Variants in DUSP3 observed in about 807,000 individuals in gnomAD.
The protein encoded by DUSP3 is dual specificity phosphatase 3, also known as dual specificity protein phosphatase 3.
In DUSP3, 7 loss-of-function variants were observed where a neutral mutation model predicts 15.5. That is an observed-to-expected ratio of 0.45 (90% confidence interval 0.26 to 0.85). The LOEUF (loss-of-function observed/expected upper bound fraction) is 0.85, where lower values mean the gene tolerates loss of function less well. Ranked by LOEUF, DUSP3 falls within the 40% of genes least tolerant of loss-of-function variation. The pLI is 0.18. For synonymous variants in DUSP3, 86 were observed against 104.2 expected (o/e 0.83, Z 1.07); for missense variants, 209 against 251.7 (o/e 0.83, Z 1.15).
chr17:43,769,938 T>A, intron 2 of DUSP3, 124 bp from the exon 3 acceptor site: 1 of 1,067,662 alleles, frequency 9.4e-7, no homozygotes, highest in Non-Finnish European at 1.4e-6. Context: ...CCTGTCAGAA[T>A]GGCTAAAATG....
intron 1 of DUSP3, chr17:43,778,303 T>C (rs1194550654): frequency 1.3e-5 from 2 of 152,976 alleles, no homozygotes; most frequent in Non-Finnish European, 2.9e-5. Context: ...TTGGGGTGTT[T>C]AGGTTCCCTG....
chr17:43,771,813 A>C lies in DUSP3; in HGVS notation c.353-1999T>G, dbSNP rs950290858. The stretch of plus-strand genomic sequence containing the variant: ...CCCCTGAAGTCAGGAGTTCGAGACC[A>C]TCCTGGCCAACATGGCGAAACCCCG... On this transcript the variant is annotated intron_variant, in intron 2 of 2. Coordinates refer to ENST00000226004, the MANE Select transcript of DUSP3 (RefSeq NM_004090.4). Among the ~76,000 whole-genome samples the C allele has an allele frequency of 3.3e-5, 5 of 152,200 alleles. 1 individual carries two copies. The South Asian group carries it at 1.0e-3, about 31-fold the overall frequency.
At chr17:43,778,644 G>A (rs1974422428) in intron 1 of DUSP3, among the ~76,000 whole-genome samples, 156 bp downstream of exon 1, 1 of 152,052 alleles carries the variant, frequency 6.6e-6, no homozygotes, top group Non-Finnish European at 1.5e-5. Context: ...GGTAGGCGTC[G>A]ACTCCAGGCC....
intron 2 of DUSP3, among the ~76,000 whole-genome samples, chr17:43,772,496 T>A (rs1974332103): frequency 6.6e-6 from 1 of 152,124 alleles, no homozygotes; most frequent in African/African-American, 2.4e-5. Flanking sequence ...GAAGCTGTTT[T>A]CCCAGCTAGA....
In DUSP3 at chr17:43,769,287, C is replaced by T. The variant is rs1974280362; in HGVS notation, c.*322G>A. ...CTCTGTGAGCATCTTAGGCCTTACA[C>T]TTCCACACACCTCCTGCCGTGGGCC... On this transcript the variant is annotated 3_prime_UTR_variant, in exon 3 of 3. Transcript: ENST00000226004. 3.0e-6 allele frequency: 1 copy of T among 335,798 alleles called. No homozygotes were observed. Among genetic ancestry groups the T allele is most frequent in the Non-Finnish European group, 5.5e-6 (1 of 181,074 alleles). 20.8% of individuals were successfully genotyped at this position (335,798 alleles called of 1,614,324 possible).
In DUSP3 at chr17:43,768,083, G is replaced by A. The variant is rs1230400; in HGVS notation, c.*1526C>T. ...AAGGCCTTGCGAGTGATCCTACCAT[G>A]AATTCAGTCTTCTGGGAGCGTGACA... On this transcript the variant is annotated 3_prime_UTR_variant, in exon 3 of 3. Transcript: ENST00000226004. 0.66 allele frequency: 100,788 copies of A among 152,020 alleles called. 34,369 individuals are homozygous for A. Among genetic ancestry groups the A allele is most frequent in the East Asian group, 0.86 (4,430 of 5,160 alleles). 9.4% of individuals were successfully genotyped at this position (152,020 alleles called of 1,614,324 possible). A position where few individuals can be genotyped will look rare whatever the true frequency, so the allele number is the denominator to read the frequency against.
chr17:43,770,982 GTA>G (rs201583997), intron 2 of DUSP3, among the ~76,000 whole-genome samples: 1,133 of 92,942 alleles, frequency 0.012, 13 homozygotes, highest in African/African-American at 0.037. Flanking sequence ...GTGTGTGCGT[GTA>G]TATATATGTG....
In DUSP3 at chr17:43,769,743, G is replaced by C; in HGVS notation, c.424C>G (p.Arg142Gly). ...GCAGACTTGACGTCCATCTTCTGCC[G>C]CATCATGAGGTAGGCGATAACTAGC... The part of the protein sequence containing the change: ...PTLVIAYLMM[R>G]QKMDVKSALS... Residue 142 changes from arginine to glycine, a missense_variant, in exon 3 of 3, where the codon CGG (arginine) becomes GGG (glycine). Coordinates refer to ENST00000226004, the MANE Select transcript of DUSP3 (RefSeq NM_004090.4). 1 of 1,613,988 alleles carries C rather than the reference G, an allele frequency of 6.2e-7. No homozygotes were observed.
At chr17:43,775,623 GCTA>G (rs1423363614) in intron 1 of DUSP3, among the ~76,000 whole-genome samples, 2 of 152,166 alleles carry the variant, frequency 1.3e-5, no homozygotes, top group East Asian at 3.9e-4. Context: ...TATAGTACCT[GCTA>G]CATAGTAGGT....
rs1391094120 is a variant in DUSP3 at position 43,767,276 on chromosome 17, C to G, written c.*2333G>C. On this transcript the variant is annotated 3_prime_UTR_variant, in exon 3 of 3. Coordinates refer to ENST00000226004, the MANE Select transcript of DUSP3 (RefSeq NM_004090.4). ...TGGTCATGGGAGGGGAGCCCCAGCC[C>G]CAGCTCCCTAGCCTTTTCCAGGAGC... The G allele has an allele frequency of 6.6e-6, 1 of 152,658 alleles. No homozygotes were observed. Among genetic ancestry groups the G allele is most frequent in the Non-Finnish European group, 1.5e-5 (1 of 68,104 alleles). The allele number at this position is 152,658 out of a possible 1,614,324, so 9.5% of individuals were successfully genotyped here.
At position 43,776,265 on chromosome 17, in the gene DUSP3, C is replaced by T. The variant is rs151287006; in HGVS notation, c.126-1327G>A. Among the ~76,000 whole-genome samples the T allele has an allele frequency of 1.3e-3, 198 of 152,360 alleles. 1 individual carries two copies. The highest frequency in any genetic ancestry group is 4.5e-3 in the African/African-American group (188 of 41,588). ...CCTGTGTGATCTTGCTTGCCCACTGCGAGCAGCCCTGTGAGGAACAAGGAT... is the reference window on the plus strand; with the variant it reads ...CCTGTGTGATCTTGCTTGCCCACTGTGAGCAGCCCTGTGAGGAACAAGGAT... On this transcript the variant is annotated intron_variant, in intron 1 of 2. Transcript: ENST00000226004.
Position 43,769,606 on chromosome 17 carries a change from G to T in DUSP3, c.*3C>A. ...CCTCTCGAGCAGAGGTGGTGGGGGTGCCCTAGGGTTTCAACTTCCCCTCCT... is the reference window on the plus strand; with the variant it reads ...CCTCTCGAGCAGAGGTGGTGGGGGTTCCCTAGGGTTTCAACTTCCCCTCCT... On this transcript the variant is annotated 3_prime_UTR_variant, in exon 3 of 3. Transcript: ENST00000226004. The T allele has an allele frequency of 6.2e-7, 1 of 1,611,040 alleles. No individual in the cohort carries two copies.
Position 43,769,726 on chromosome 17 carries a change from G to A in DUSP3, c.441C>T (p.Val147=). The change falls in exon 3 of 3, where the codon GTC becomes GTT. Residue 147 remains valine (V), a synonymous_variant. Coordinates refer to ENST00000226004, the MANE Select transcript of DUSP3 (RefSeq NM_004090.4). ...AYLMMRQKMD[V]KSALSIVRQN... is the part of the protein sequence containing the mutation. ...GCCTCACGATGCTCAGGGCAGACTTGACGTCCATCTTCTGCCGCATCATGA... is the reference window on the plus strand; with the variant it reads ...GCCTCACGATGCTCAGGGCAGACTTAACGTCCATCTTCTGCCGCATCATGA... 6.2e-7 allele frequency: 1 copy of A among 1,614,062 alleles called. No individual in the cohort carries two copies. The highest frequency in any genetic ancestry group is 1.1e-5 in the South Asian group (1 of 91,074).
intron 2 of DUSP3, among the ~76,000 whole-genome samples, chr17:43,771,290 A>C (rs1298021981): frequency 6.6e-6 from 1 of 152,078 alleles, no homozygotes; most frequent in Non-Finnish European, 1.5e-5. Flanking sequence ...AAATCTGTAC[A>C]TGTTCAGTAC....
chr17:43,766,269 T>C lies in DUSP3; in HGVS notation c.*3340A>G, dbSNP rs547831819. 2.6e-5 allele frequency: 4 copies of C among 152,162 alleles called. No individual in the cohort carries two copies. Among genetic ancestry groups the C allele is most frequent in the South Asian group, 4.1e-4 (2 of 4,824 alleles). The allele number at this position is 152,162 out of a possible 1,614,324, so 9.4% of individuals were successfully genotyped here. A position where few individuals can be genotyped will look rare whatever the true frequency, so the allele number is the denominator to read the frequency against. On this transcript the variant is annotated 3_prime_UTR_variant, in exon 3 of 3. Coordinates refer to ENST00000226004, the MANE Select transcript of DUSP3 (RefSeq NM_004090.4). ...CTGTCCAGAAAAATTCACTCTTTCA[T>C]AATCAAATTACCCTAAAATTTGGTG...
Position 43,769,185 on chromosome 17 carries a change from C to T in DUSP3, c.*424G>A, listed in dbSNP as rs995009929. ...AGAGTGGCCTGCATTTGCATAGTTC[C>T]TTTACTAGGGCTCAAGGTGTTGAGG... On this transcript the variant is annotated 3_prime_UTR_variant, in exon 3 of 3. Coordinates refer to ENST00000226004, the MANE Select transcript of DUSP3 (RefSeq NM_004090.4). 5.2e-6 allele frequency: 1 copy of T among 193,698 alleles called. No individual in the cohort carries two copies. Among genetic ancestry groups the T allele is most frequent in the African/African-American group, 2.4e-5 (1 of 41,862 alleles). The allele number at this position is 193,698 out of a possible 1,614,324, so 12.0% of individuals were successfully genotyped here.
intron 1 of DUSP3, 56 bp from the exon 2 acceptor site, chr17:43,774,994 G>A: frequency 6.4e-7 from 1 of 1,550,930 alleles, no homozygotes; most frequent in Non-Finnish European, 8.9e-7. Context: ...GCCCCAGGGG[G>A]AGGAAGATGG....
At position 43,766,920 on chromosome 17, in the gene DUSP3, A is replaced by C. The variant is rs1020492344; in HGVS notation, c.*2689T>G. 7.2e-5 allele frequency: 11 copies of C among 152,226 alleles called. No homozygotes were observed. The highest frequency in any genetic ancestry group is 2.7e-4 in the African/African-American group (11 of 41,440). 9.4% of individuals were successfully genotyped at this position (152,226 alleles called of 1,614,324 possible). A position where few individuals can be genotyped will look rare whatever the true frequency, so the allele number is the denominator to read the frequency against. On this transcript the variant is annotated 3_prime_UTR_variant, in exon 3 of 3. Transcript: ENST00000226004. Reference sequence around the variant, plus strand: ...TAAGGGCACCCTGAGTTCCTGTTCCATCACTTCCCAGGCAGTAGAAGGCTG... The same window carrying C: ...TAAGGGCACCCTGAGTTCCTGTTCCCTCACTTCCCAGGCAGTAGAAGGCTG...
rs762863082 is a variant in DUSP3 at position 43,774,725 on chromosome 17, C to A, written c.339G>T (p.Leu113Phe). Residue 113 changes from leucine to phenylalanine, a missense_variant, in exon 2 of 3, where the codon TTG becomes TTT. Leu to Phe is a conservative substitution (Grantham distance 22). Transcript: ENST00000226004. The stretch of plus-strand genomic sequence containing the variant: ...GAGGTCCCTTACCATTCTTTTGAGC[C>A]AAAGCCTGGTCAATGAAGTCGGCAG... ...ERAADFIDQA[L>F]AQKNGRVLVH... 13 of 1,614,186 alleles carry A rather than the reference C, an allele frequency of 8.1e-6. No homozygotes were observed. The highest frequency in any genetic ancestry group is 1.1e-5 in the Non-Finnish European group (13 of 1,180,022).
Sources: allele counts gnomAD v4.1 joint callset (sites outside exome capture counted in the v4.1 genomes callset), GRCh38; gene constraint gnomAD v4.1.1; transcripts MANE v1.5; gene names NCBI Gene and HGNC (gene_info 2026-07-23, HGNC 2026-07-21).